The following GPC6 variants were observed in gnomAD, a reference collection of about 807,000 sequenced individuals.
The protein encoded by GPC6 is glypican 6, also known as glypican-6.
In GPC6, 14 loss-of-function variants were observed where a neutral mutation model predicts 55.2. The observed-to-expected ratio is 0.25, with a 90% CI of 0.17 to 0.40. The LOEUF (loss-of-function observed/expected upper bound fraction) is 0.40. GPC6 is among the 10% of genes least tolerant of loss of function. The probability of loss-of-function intolerance (pLI) is 1.00; values close to 1 mark genes in which losing one functional copy is unlikely to be tolerated. For missense variants in GPC6, 641 were observed against 708.5 expected (o/e 0.90, Z 1.08); for synonymous variants, 278 against 259.6 (o/e 1.07, Z -0.68).
chr13:93,349,114 C>G (rs16948700), intron 1 of GPC6, among the ~76,000 whole-genome samples: 3,458 of 152,248 alleles, frequency 0.023, 141 homozygotes, highest in African/African-American at 0.078. Context: ...TTGGCCTTTA[C>G]TAGTTCAGAA....
chr13:93,786,557 G>A (rs1885819430), intron 2 of GPC6, among the ~76,000 whole-genome samples: 1 of 151,122 alleles, frequency 6.6e-6, no homozygotes, highest in Admixed American at 6.6e-5. Flanking sequence ...TACATGGCCA[G>A]CCAGTCAGCT....
chr13:93,503,338 C>T (rs1394289301), intron 1 of GPC6, among the ~76,000 whole-genome samples: 17 of 152,168 alleles, frequency 1.1e-4, no homozygotes, highest in Admixed American at 1.1e-3. Context: ...ATCTTTAGGG[C>T]AGCAGTTAGC....
chr13:94,292,891 G>A (rs908768766), intron 5 of GPC6, among the ~76,000 whole-genome samples: 9 of 152,156 alleles, frequency 5.9e-5, no homozygotes, highest in Admixed American at 2.6e-4. Context: ...TGGCCCACAA[G>A]GAAGCTATTA....
intron 2 of GPC6, among the ~76,000 whole-genome samples, chr13:93,699,269 A>G (rs1882587031): frequency 2.0e-5 from 3 of 152,156 alleles, no homozygotes; most frequent in East Asian, 1.9e-4. Flanking sequence ...TAAATTAAAG[A>G]GAGAAGGAAG....
In GPC6 at chr13:93,882,435, G is replaced by A. The variant is rs763595979; in HGVS notation, c.711+51890G>A. Among the ~76,000 whole-genome samples, 9 of 152,112 alleles carry A rather than the reference G, an allele frequency of 5.9e-5. No individual in the cohort carries two copies. The East Asian group carries it at 9.7e-4, about 16-fold the overall frequency. On this transcript the variant is annotated intron_variant, in intron 3 of 8. Transcript: ENST00000377047. The stretch of plus-strand genomic sequence containing the variant: ...GCTGGGATTAAAGGAGTGAGCCACC[G>A]TGCCTGGGCAGTTTTCCAAAGTTTA...
intron 1 of GPC6, among the ~76,000 whole-genome samples, chr13:93,338,427 C>T (rs1350371264): frequency 1.3e-5 from 2 of 152,148 alleles, no homozygotes; most frequent in Admixed American, 6.5e-5. Context: ...TTAGTGCCCT[C>T]GCTGAGTCTC....
chr13:93,385,602 G>A (rs945108882), intron 1 of GPC6, among the ~76,000 whole-genome samples: 3 of 152,126 alleles, frequency 2.0e-5, no homozygotes, highest in African/African-American at 7.2e-5. Context: ...TGTTTAACTC[G>A]ACAATCTGAA....
intron 6 of GPC6, among the ~76,000 whole-genome samples, chr13:94,338,743 T>C (rs989706726): frequency 1.3e-5 from 2 of 152,152 alleles, no homozygotes; most frequent in Non-Finnish European, 2.9e-5. Flanking sequence ...ATTTCATGAA[T>C]TTTAGAAGTC....
chr13:93,452,953 C>T (rs1878284436), intron 1 of GPC6, among the ~76,000 whole-genome samples: 1 of 152,202 alleles, frequency 6.6e-6, no homozygotes. Context: ...CAACCTTTCC[C>T]TCCAGCATGA....
chr13:94,402,786 A>G (rs1350230819), intron 8 of GPC6, among the ~76,000 whole-genome samples: 1 of 152,162 alleles, frequency 6.6e-6, no homozygotes, highest in African/African-American at 2.4e-5. Context: ...AGAAGTGCCA[A>G]GCCGTGGGGG....
chr13:94,085,321 C>CAAAAAAAA (rs33967804), intron 4 of GPC6, among the ~76,000 whole-genome samples: 3 of 87,078 alleles, frequency 3.4e-5, no homozygotes, highest in African/African-American at 4.3e-5. Context: ...GATTCTGTCT[C>CAAAAAAAA]AAAAAAAAAA....
Position 94,362,607 on chromosome 13 carries a change from T to G in GPC6, c.1153-19807T>G, listed in dbSNP as rs192513455. On this transcript the variant is annotated intron_variant, in intron 6 of 8. Coordinates refer to ENST00000377047, the MANE Select transcript of GPC6 (RefSeq NM_005708.5). Reference sequence around the variant, plus strand: ...TCTGGTGGTTATAATGAAGGTGGCCTCTAAATGCCTGGAGACGAGGCTGGA... The same window carrying G: ...TCTGGTGGTTATAATGAAGGTGGCCGCTAAATGCCTGGAGACGAGGCTGGA... Among the ~76,000 whole-genome samples the G allele has an allele frequency of 2.6e-5, 4 of 152,276 alleles. No individual in the cohort carries two copies. The East Asian group carries it at 5.8e-4, about 22-fold the overall frequency.
intron 4 of GPC6, among the ~76,000 whole-genome samples, chr13:94,224,637 T>C (rs1890490739): frequency 1.3e-5 from 2 of 152,124 alleles, no homozygotes; most frequent in Non-Finnish European, 1.5e-5. Context: ...ATGATAGGAA[T>C]GAGCAGAAAC....
chr13:93,317,218 A>G (rs1049579014), intron 1 of GPC6, among the ~76,000 whole-genome samples: 1 of 152,094 alleles, frequency 6.6e-6, no homozygotes, highest in Non-Finnish European at 1.5e-5. Flanking sequence ...TTTCTTTCCT[A>G]TTAAGAATTT....
At chr13:93,465,522 A>G (rs1291482852) in intron 1 of GPC6, among the ~76,000 whole-genome samples, 1 of 152,192 alleles carries the variant, frequency 6.6e-6, no homozygotes, top group African/African-American at 2.4e-5. Context: ...TGCTAGATTC[A>G]AACTTTTTTT....
intron 2 of GPC6, among the ~76,000 whole-genome samples, chr13:93,620,354 A>G (rs1878896914): frequency 1.3e-5 from 2 of 152,294 alleles, no homozygotes; most frequent in South Asian, 4.1e-4. Flanking sequence ...CTTTAAATCA[A>G]GTAATGTTCT....
At chr13:94,008,097 A>C (rs1882093755) in intron 3 of GPC6, among the ~76,000 whole-genome samples, 1 of 152,124 alleles carries the variant, frequency 6.6e-6, no homozygotes, top group Admixed American at 6.5e-5. Context: ...CCTGCCTTCC[A>C]CATTTTAATA....
At chr13:94,153,842 T>A (rs35790834) in intron 4 of GPC6, among the ~76,000 whole-genome samples, 2 of 152,250 alleles carry the variant, frequency 1.3e-5, no homozygotes, top group East Asian at 3.9e-4. Flanking sequence ...GTGATTCTTA[T>A]GTGCAATAAA....
chr13:94,221,664 C>T (rs929517276), intron 4 of GPC6, among the ~76,000 whole-genome samples: 2 of 152,206 alleles, frequency 1.3e-5, no homozygotes, highest in East Asian at 3.9e-4. Flanking sequence ...TGACTTGGAA[C>T]TCCTTTTTGC....
Sources: gnomAD v4.1 joint callset for allele counts (sites outside exome capture counted in the v4.1 genomes callset) on GRCh38, gnomAD v4.1.1 for gene constraint, MANE v1.5 for transcripts, NCBI Gene and HGNC (gene_info 2026-07-23, HGNC 2026-07-21) for gene names.